GHR: variants seen among roughly 807,000 people sequenced by gnomAD.
The protein encoded by GHR is GH receptor.
A neutral mutation model predicts 67.1 loss-of-function variants in GHR; 35 were observed. The observed-to-expected ratio is 0.52, with a 90% CI of 0.40 to 0.69. GHR has a LOEUF of 0.69. Among genes scored for constraint, GHR ranks in the 30% least tolerant of loss-of-function variants. The probability of loss-of-function intolerance (pLI) is 0.00; values close to 1 mark genes in which losing one functional copy is unlikely to be tolerated. For synonymous variants in GHR, 272 were observed against 269.1 expected (o/e 1.01, Z -0.10); for missense variants, 792 against 764.6 (o/e 1.04, Z -0.42).
At chr5:42,681,238 C>T (rs1756849782) in intron 3 of GHR, among the ~76,000 whole-genome samples, 1 of 147,228 alleles carries the variant, frequency 6.8e-6, no homozygotes, top group Non-Finnish European at 1.5e-5. Context: ...TATCCAGAAT[C>T]TACAAAGAAC....
At chr5:42,547,973 A>G in intron 1 of GHR, 1 of 420,778 alleles carries the variant, frequency 2.4e-6, no homozygotes, top group Non-Finnish European at 3.2e-6. Flanking sequence ...GGAAAGGACC[A>G]GATTCAGATA....
chr5:42,666,826 A>C (rs1295419948), intron 3 of GHR, among the ~76,000 whole-genome samples: 1 of 152,196 alleles, frequency 6.6e-6, no homozygotes, highest in Non-Finnish European at 1.5e-5. Flanking sequence ...TGTCTCTCTA[A>C]ATCGCAGATC....
intron 1 of GHR, among the ~76,000 whole-genome samples, chr5:42,507,065 C>T (rs1052204324): frequency 6.6e-6 from 1 of 152,170 alleles, no homozygotes; most frequent in Non-Finnish European, 1.5e-5. Flanking sequence ...TAAAGTTCTT[C>T]CCATTTCCTG....
rs1452845926 is a variant in GHR at position 42,583,898 on chromosome 5, A to ATATATATAT, written c.70+17954_70+17955insTATATATAT. Among the ~76,000 whole-genome samples the ATATATATAT allele has an allele frequency of 5.1e-4, 75 of 145,736 alleles. 1 individual carries two copies. The highest frequency in any genetic ancestry group is 1.6e-3 in the Admixed American group (23 of 13,962). On this transcript the variant is annotated intron_variant, in intron 2 of 9. Coordinates refer to ENST00000230882, the MANE Select transcript of GHR (RefSeq NM_000163.5). ...ATAAAGATATATATATATATATATA[A>ATATATATAT]ATTCTTACAGTTTAGAAGCTTCCAG... is the stretch of plus-strand genomic sequence containing the variant.
chr5:42,689,428 A>G (rs1307668417), intron 4 of GHR, among the ~76,000 whole-genome samples: 1 of 152,184 alleles, frequency 6.6e-6, no homozygotes, highest in Non-Finnish European at 1.5e-5. Flanking sequence ...GAGAGCATGT[A>G]TGGATACACG....
intron 1 of GHR, among the ~76,000 whole-genome samples, chr5:42,427,293 T>C (rs1742894795): frequency 6.6e-6 from 1 of 152,206 alleles, no homozygotes. Context: ...TCCACATGGC[T>C]GGGGAGGCCT....
chr5:42,480,396 A>G (rs186099920), intron 1 of GHR, among the ~76,000 whole-genome samples: 12 of 152,320 alleles, frequency 7.9e-5, no homozygotes, highest in Admixed American at 7.2e-4. Flanking sequence ...GTAGATGTCT[A>G]TTAGGTCCAC....
intron 2 of GHR, among the ~76,000 whole-genome samples, chr5:42,614,702 G>A (rs1753058540): frequency 6.6e-6 from 1 of 150,566 alleles, no homozygotes; most frequent in Non-Finnish European, 1.5e-5. Context: ...AGAATGGAAG[G>A]TTAACATTAG....
chr5:42,516,404 G>T (rs150621865), intron 1 of GHR, among the ~76,000 whole-genome samples: 1 of 152,238 alleles, frequency 6.6e-6, no homozygotes, highest in East Asian at 1.9e-4. Flanking sequence ...GTGGACCCCG[G>T]AGTCAGGTGA....
chr5:42,575,383 C>A (rs976478184), intron 2 of GHR, among the ~76,000 whole-genome samples: 4 of 151,982 alleles, frequency 2.6e-5, no homozygotes, highest in African/African-American at 7.3e-5. Flanking sequence ...GATGCTGAGA[C>A]AAGGATTCCT....
At position 42,614,610 on chromosome 5, in the gene GHR, T is replaced by C. The variant is rs1327615560; in HGVS notation, c.71-14428T>C. 9.6e-5 allele frequency among the ~76,000 whole-genome samples: 13 copies of C among 135,402 alleles called. No individual in the cohort carries two copies. The South Asian group carries it at 3.0e-3, about 31-fold the overall frequency. The allele number at this position is 135,402 out of a possible 152,430, so 88.8% of individuals were successfully genotyped here. ...TTTTTTTGCATGGAGCACAGATTAC[T>C]GCTCTACTCTAGGTTACAATTCCAA... On this transcript the variant is annotated intron_variant, in intron 2 of 9. Transcript: ENST00000230882.
At chr5:42,597,085 C>T (rs753396261) in intron 2 of GHR, among the ~76,000 whole-genome samples, 2 of 152,080 alleles carry the variant, frequency 1.3e-5, no homozygotes, top group African/African-American at 2.4e-5. Context: ...AAATGTTTAA[C>T]AGTGGTGGGT....
At chr5:42,468,903 A>C (rs1365586360) in intron 1 of GHR, 4 of 672,870 alleles carry the variant, frequency 5.9e-6, no homozygotes, top group Non-Finnish European at 9.6e-6. Context: ...CACGGATTGC[A>C]GCGGGCTGCG....
intron 1 of GHR, among the ~76,000 whole-genome samples, chr5:42,533,211 T>A (rs1300391252): frequency 3.3e-5 from 5 of 152,170 alleles, no homozygotes; most frequent in African/African-American, 1.2e-4. Context: ...ATAGGGCCAT[T>A]TAAATTTCCT....
Position 42,424,375 on chromosome 5 carries a change from C to A in GHR, c.-12+420C>A. 1.7e-6 allele frequency: 1 copy of A among 595,086 alleles called. No individual in the cohort carries two copies. Among genetic ancestry groups the A allele is most frequent in the Non-Finnish European group, 3.0e-6 (1 of 333,424 alleles). 36.9% of individuals were successfully genotyped at this position (595,086 alleles called of 1,614,324 possible). ...AGTTTTGCTAGTGTGTTTCTGTTTG[C>A]CATCATCTGCCTGGCTGCGGCAGGA... On this transcript the variant is annotated intron_variant, in intron 1 of 9. Transcript: ENST00000230882. This position sits in a 1 kb window ranked among gnomAD's most constrained non-coding sequence, Gnocchi z 4.1.
chr5:42,595,736 T>C (rs964966470), intron 2 of GHR, among the ~76,000 whole-genome samples: 3 of 152,160 alleles, frequency 2.0e-5, no homozygotes, highest in African/African-American at 7.2e-5. Context: ...GAAATGGGTC[T>C]TAAGTGGAGA....
intron 1 of GHR, among the ~76,000 whole-genome samples, chr5:42,476,969 T>A (rs1420433947): frequency 6.6e-6 from 1 of 152,120 alleles, no homozygotes; most frequent in African/African-American, 2.4e-5. Context: ...GCCATGTTGG[T>A]GTGCTGCACC....
At chr5:42,531,545 A>G (rs1747970178) in intron 1 of GHR, among the ~76,000 whole-genome samples, 1 of 151,724 alleles carries the variant, frequency 6.6e-6, no homozygotes, top group South Asian at 2.1e-4. Flanking sequence ...TGGTGTAATC[A>G]TAGCTCCCTG....
At chr5:42,573,566 G>GC (rs1750457743) in intron 2 of GHR, among the ~76,000 whole-genome samples, 1 of 152,028 alleles carries the variant, frequency 6.6e-6, no homozygotes, top group Admixed American at 6.6e-5. Context: ...TACACCACCT[G>GC]CCTCCTGCCT....
Sources: gnomAD v4.1 joint callset for allele counts (sites outside exome capture counted in the v4.1 genomes callset) on GRCh38, gnomAD v4.1.1 for gene constraint, Gnocchi (gnomAD v3.1) non-coding constraint, MANE v1.5 for transcripts, NCBI Gene and HGNC (gene_info 2026-07-23, HGNC 2026-07-21) for gene names.